The following CTIF variants were observed in gnomAD, a reference collection of about 807,000 sequenced individuals.
The protein encoded by CTIF is CBP80/20-dependent translation initiation factor.
A neutral mutation model predicts 66.0 loss-of-function variants in CTIF; 21 were observed. The ratio of observed to expected loss-of-function variants is 0.32; its 90% CI spans 0.23 to 0.46. CTIF has a LOEUF of 0.46. Ranked by LOEUF, CTIF falls within the 20% of genes least tolerant of loss-of-function variation. The pLI, the probability that CTIF is intolerant of heterozygous loss-of-function variation, is 1.00. For synonymous variants in CTIF, 345 were observed against 326.4 expected (o/e 1.06, Z -0.62); for missense variants, 739 against 812.7 (o/e 0.91, Z 1.10).
chr18:48,668,587 G>T (rs757070359), intron 5 of CTIF, among the ~76,000 whole-genome samples: 1 of 151,826 alleles, frequency 6.6e-6, no homozygotes, highest in Non-Finnish European at 1.5e-5. Flanking sequence ...CCCCACCCCA[G>T]CTCCACCATG....
intron 10 of CTIF, among the ~76,000 whole-genome samples, chr18:48,825,709 A>C (rs2068569680): frequency 6.6e-6 from 1 of 152,178 alleles, no homozygotes; most frequent in Non-Finnish European, 1.5e-5. Flanking sequence ...AGTGACCAAG[A>C]TAGTCTGTTC....
chr18:48,772,532 T>TACAGCAATCACTC (rs1335349127), intron 9 of CTIF, among the ~76,000 whole-genome samples: 2 of 151,894 alleles, frequency 1.3e-5, no homozygotes, highest in Non-Finnish European at 2.9e-5. Flanking sequence ...ATGCCTCCCC[T>TACAGCAATCACTC]CCATCTTCCA....
At chr18:48,759,731 T>C (rs1306717575) in intron 8 of CTIF, among the ~76,000 whole-genome samples, 2 of 152,244 alleles carry the variant, frequency 1.3e-5, no homozygotes, top group African/African-American at 4.8e-5. Flanking sequence ...CTTGTGGGTA[T>C]TCCTATTCTA....
At chr18:48,737,698 C>T (rs2092516116) in intron 7 of CTIF, among the ~76,000 whole-genome samples, 1 of 151,790 alleles carries the variant, frequency 6.6e-6, no homozygotes, top group African/African-American at 2.4e-5. Flanking sequence ...ATATATATTC[C>T]TGCTTACTTA....
At chr18:48,799,952 C>T (rs1387057441) in intron 9 of CTIF, among the ~76,000 whole-genome samples, 1 of 152,232 alleles carries the variant, frequency 6.6e-6, no homozygotes, top group African/African-American at 2.4e-5. Context: ...CACAGAAGAG[C>T]CAACACAACA....
intron 3 of CTIF, among the ~76,000 whole-genome samples, chr18:48,644,787 G>C (rs2090995773): frequency 6.6e-6 from 1 of 152,200 alleles, no homozygotes; most frequent in Non-Finnish European, 1.5e-5. Context: ...ACAGGGCCTT[G>C]CATTGTAGCA....
chr18:48,652,242 C>G (rs1172357493), intron 3 of CTIF, among the ~76,000 whole-genome samples: 1 of 151,814 alleles, frequency 6.6e-6, no homozygotes, highest in Non-Finnish European at 1.5e-5. Context: ...GCTAGCAAGA[C>G]TAATAAAGAA....
chr18:48,798,653 C>T (rs752828941), intron 9 of CTIF, among the ~76,000 whole-genome samples: 10 of 152,216 alleles, frequency 6.6e-5, no homozygotes, highest in Middle Eastern at 3.2e-3. Flanking sequence ...ACATTATAGC[C>T]CCCTCTCTTA....
At chr18:48,719,805 C>G (rs2092315841) in intron 7 of CTIF, among the ~76,000 whole-genome samples, 1 of 152,180 alleles carries the variant, frequency 6.6e-6, no homozygotes, top group African/African-American at 2.4e-5. Flanking sequence ...AAACATAGTA[C>G]TGAAGTGCCG....
At chr18:48,693,738 G>A (rs559816751) in intron 6 of CTIF, among the ~76,000 whole-genome samples, 4 of 152,184 alleles carry the variant, frequency 2.6e-5, no homozygotes, top group Non-Finnish European at 5.9e-5. Context: ...CATGATCCAC[G>A]CGCCAAGTCC....
intron 1 of CTIF, chr18:48,564,826 C>T (rs1036254093): frequency 6.6e-6 from 1 of 151,928 alleles, no homozygotes; most frequent in African/African-American, 2.4e-5. Context: ...ACCTTGTTCC[C>T]TAGGCTGGTC....
chr18:48,655,891 C>T (rs2091239831), intron 3 of CTIF, among the ~76,000 whole-genome samples: 1 of 152,202 alleles, frequency 6.6e-6, no homozygotes, highest in South Asian at 2.1e-4. Flanking sequence ...ACACATGCCC[C>T]CACATATGCA....
chr18:48,764,810 C>G (rs1599000558), intron 9 of CTIF, among the ~76,000 whole-genome samples: 1 of 152,216 alleles, frequency 6.6e-6, no homozygotes, highest in South Asian at 2.1e-4. Flanking sequence ...GAGGAGGGAG[C>G]CCCTTGAGAG....
intron 6 of CTIF, among the ~76,000 whole-genome samples, chr18:48,675,855 A>AT (rs2091620301): frequency 6.6e-6 from 1 of 152,166 alleles, no homozygotes; most frequent in African/African-American, 2.4e-5. Flanking sequence ...AAGTGGGGAG[A>AT]TGGAGCCGCA....
intron 9 of CTIF, among the ~76,000 whole-genome samples, chr18:48,772,532 T>TACAGCAATAACCCC (rs1335349127): frequency 6.6e-6 from 1 of 151,894 alleles, no homozygotes; most frequent in African/African-American, 2.4e-5. Flanking sequence ...ATGCCTCCCC[T>TACAGCAATAACCCC]CCATCTTCCA....
In CTIF at chr18:48,860,048, G is replaced by A. The variant is rs962775126; in HGVS notation, c.*489G>A. The A allele has an allele frequency of 1.6e-5, 7 of 427,084 alleles. No homozygotes were observed. Among genetic ancestry groups the A allele is most frequent in the Admixed American group, 4.9e-5 (2 of 41,076 alleles). The allele number at this position is 427,084 out of a possible 1,614,324, so 26.5% of individuals were successfully genotyped here. On this transcript the variant is annotated 3_prime_UTR_variant, in exon 12 of 12. Coordinates refer to ENST00000256413, the MANE Select transcript of CTIF (RefSeq NM_014772.3). Reference sequence around the variant, plus strand: ...CAGTCGCCAACTGGCAGCAGGCGACGTGTAGCAGATGTCCGGGAGGACAAA... The same window carrying A: ...CAGTCGCCAACTGGCAGCAGGCGACATGTAGCAGATGTCCGGGAGGACAAA...
intron 11 of CTIF, 44 bp downstream of exon 11, chr18:48,857,685 A>T (rs2069362119): frequency 6.4e-7 from 1 of 1,573,186 alleles, no homozygotes; most frequent in Non-Finnish European, 8.7e-7. Flanking sequence ...AAGCCGGTGC[A>T]TCTCTCATGC....
At position 48,764,480 on chromosome 18, in the gene CTIF, G is replaced by A. The variant is rs530080362; in HGVS notation, c.1371+2791G>A. Among the ~76,000 whole-genome samples the A allele has an allele frequency of 3.8e-3, 573 of 152,270 alleles. 2 individuals carry two copies. Among genetic ancestry groups the A allele is most frequent in the Middle Eastern group, 0.031 (9 of 294 alleles). ...CTCTGTATCCCAGGGGCTGCATAGT[G>A]CCTGGTGCTGGAGGGCCCTCGGTCG... On this transcript the variant is annotated intron_variant, in intron 9 of 11. Coordinates refer to ENST00000256413, the MANE Select transcript of CTIF (RefSeq NM_014772.3).
At chr18:48,666,707 A>G (rs569689412) in intron 5 of CTIF, among the ~76,000 whole-genome samples, 2 of 152,122 alleles carry the variant, frequency 1.3e-5, no homozygotes, top group Non-Finnish European at 2.9e-5. Flanking sequence ...ACTGGTTAAG[A>G]TGGAGCATAG....
Sources: allele counts gnomAD v4.1 joint callset (sites outside exome capture counted in the v4.1 genomes callset), GRCh38; gene constraint gnomAD v4.1.1; transcripts MANE v1.5; gene names NCBI Gene and HGNC (gene_info 2026-07-23, HGNC 2026-07-21).